The following FMN2 variants were observed in gnomAD, a reference collection of about 807,000 sequenced individuals.
The protein encoded by FMN2 is formin-2.
A neutral mutation model predicts 142.3 loss-of-function variants in FMN2; 51 were observed. The ratio of observed to expected loss-of-function variants is 0.36; its 90% CI spans 0.29 to 0.45. The LOEUF (loss-of-function observed/expected upper bound fraction) is 0.45, where lower values mean the gene tolerates loss of function less well. FMN2 is among the 20% of genes least tolerant of loss of function. The pLI is 1.00. For missense variants in FMN2, 1,936 were observed against 2,122.8 expected (o/e 0.91, Z 1.73); for synonymous variants, 882 against 869.8 (o/e 1.01, Z -0.25).
At chr1:240,392,983 A>G (rs1446357858) in intron 15 of FMN2, among the ~76,000 whole-genome samples, 8 of 101,916 alleles carry the variant, frequency 7.8e-5, no homozygotes, top group Non-Finnish European at 1.3e-4. Context: ...AATTATGGGT[A>G]AACATAGAAA....
chr1:240,121,270 A>G (rs1329200928), intron 1 of FMN2, among the ~76,000 whole-genome samples: 3 of 152,182 alleles, frequency 2.0e-5, no homozygotes, highest in African/African-American at 7.2e-5. Context: ...GCTTCCAGCA[A>G]TTCTGTTCTC....
chr1:240,101,644 C>T (rs1661419332), intron 1 of FMN2, among the ~76,000 whole-genome samples: 1 of 152,016 alleles, frequency 6.6e-6, no homozygotes, highest in South Asian at 2.1e-4. Flanking sequence ...AAGCAATCCT[C>T]CCACCTCAGC....
intron 16 of FMN2, among the ~76,000 whole-genome samples, chr1:240,450,556 C>T (rs918486137): frequency 3.9e-5 from 6 of 152,188 alleles, no homozygotes; most frequent in African/African-American, 1.2e-4. Flanking sequence ...CTCTCCCACC[C>T]GGCCCCAGCC....
At chr1:240,212,241 C>A (rs753491245) in intron 6 of FMN2, among the ~76,000 whole-genome samples, 3 of 152,152 alleles carry the variant, frequency 2.0e-5, no homozygotes, top group Non-Finnish European at 4.4e-5. Flanking sequence ...TATTTCAGAG[C>A]AGACAATTTT....
intron 6 of FMN2, among the ~76,000 whole-genome samples, chr1:240,212,104 T>A (rs1666713004): frequency 6.6e-6 from 1 of 152,118 alleles, no homozygotes; most frequent in African/African-American, 2.4e-5. Flanking sequence ...GAGGCTGATA[T>A]CCCCAGTGTT....
intron 3 of FMN2, among the ~76,000 whole-genome samples, chr1:240,183,134 T>C (rs1665222733): frequency 6.6e-6 from 1 of 151,532 alleles, no homozygotes; most frequent in African/African-American, 2.4e-5. Context: ...CTCAGGCTGG[T>C]GTTGAACTCT....
intron 2 of FMN2, among the ~76,000 whole-genome samples, chr1:240,168,910 TAAAA>T (rs563331866): frequency 6.6e-6 from 1 of 151,592 alleles, no homozygotes; most frequent in Admixed American, 6.6e-5. Flanking sequence ...TCCCTGAGAT[TAAAA>T]AAAAGAAAAC....
chr1:240,280,366 G>GT (rs11389354), intron 7 of FMN2, among the ~76,000 whole-genome samples: 36,615 of 151,936 alleles, frequency 0.24, 4,881 homozygotes, highest in African/African-American at 0.37. Context: ...ACTGAAAAAA[G>GT]ATGATTCTTA....
intron 11 of FMN2, among the ~76,000 whole-genome samples, 161 bp downstream of exon 11, chr1:240,330,910 T>C (rs1671352890): frequency 6.6e-6 from 1 of 152,214 alleles, no homozygotes; most frequent in Non-Finnish European, 1.5e-5. Flanking sequence ...CAGATATTTG[T>C]GATTTTGTGA....
intron 13 of FMN2, among the ~76,000 whole-genome samples, chr1:240,335,868 G>T (rs558197304): frequency 1.8e-4 from 27 of 152,240 alleles, no homozygotes; most frequent in African/African-American, 6.3e-4. Context: ...AGCCGGCCAG[G>T]CATGGTGGCT....
At chr1:240,194,027 TTTTTG>T (rs903179680) in intron 4 of FMN2, among the ~76,000 whole-genome samples, 3 of 152,300 alleles carry the variant, frequency 2.0e-5, no homozygotes, top group South Asian at 2.1e-4. Flanking sequence ...TACACTAGTT[TTTTTG>T]TTTTGTTTTG....
chr1:240,229,282 G>A (rs1347916822), intron 6 of FMN2, among the ~76,000 whole-genome samples: 1 of 152,026 alleles, frequency 6.6e-6, no homozygotes, highest in East Asian at 1.9e-4. Flanking sequence ...TTGCATTATT[G>A]AACCTAAATT....
intron 8 of FMN2, among the ~76,000 whole-genome samples, chr1:240,296,115 G>A (rs1252703958): frequency 6.6e-6 from 1 of 151,662 alleles, no homozygotes; most frequent in East Asian, 1.9e-4. Flanking sequence ...CTGGGGTTTA[G>A]TTCATTCTGC....
chr1:240,429,388 C>T (rs553130166), intron 15 of FMN2, among the ~76,000 whole-genome samples: 11 of 152,116 alleles, frequency 7.2e-5, no homozygotes, highest in Admixed American at 5.9e-4. Context: ...TCCTGTATTC[C>T]GTCTTTTCAT....
intron 15 of FMN2, among the ~76,000 whole-genome samples, chr1:240,396,822 T>C (rs1403748425): frequency 6.6e-6 from 1 of 152,374 alleles, no homozygotes; most frequent in Non-Finnish European, 1.5e-5. Context: ...CCATGATGTA[T>C]GTGTACCACA....
At chr1:240,468,513 A>G (rs1247149600) in intron 16 of FMN2, among the ~76,000 whole-genome samples, 1 of 152,054 alleles carries the variant, frequency 6.6e-6, no homozygotes, top group African/African-American at 2.4e-5. Context: ...CTTCATGGTG[A>G]TTGCGTTCTC....
rs1209176300 is a variant in FMN2 at position 240,093,253 on chromosome 1, C to G, written c.1144C>G (p.Pro382Ala). 6.3e-7 allele frequency: 1 copy of G among 1,581,364 alleles called. No individual in the cohort carries two copies. The change falls in exon 1 of 18, where the codon CCG (proline) becomes GCG (alanine). Residue 382 changes from proline to alanine, a missense_variant. This residue lies in a region of FMN2 where 751 missense variants were observed against 791.8 expected (regional missense o/e 0.95). Transcript: ENST00000319653. ...CGCCCCGCAGAGGCTGGGGGAAGAG[C>G]CGGAGGAGGAGGCGCAAGGACCTGA... ...EDAPQRLGEE[P>A]EEEAQGPDAP...
chr1:240,324,704 G>A (rs1469956357), intron 8 of FMN2, among the ~76,000 whole-genome samples: 1 of 150,172 alleles, frequency 6.7e-6, no homozygotes, highest in African/African-American at 2.4e-5. Flanking sequence ...AGGGAGGGAG[G>A]GAGGGAGGGA....
At chr1:240,434,699 T>C (rs527997066) in intron 15 of FMN2, among the ~76,000 whole-genome samples, 42 of 151,474 alleles carry the variant, frequency 2.8e-4, no homozygotes, top group East Asian at 2.2e-3. Flanking sequence ...GTAACTGGGA[T>C]TACAGGCACC....
Sources: allele counts gnomAD v4.1 joint callset (sites outside exome capture counted in the v4.1 genomes callset), GRCh38; gene constraint gnomAD v4.1.1; regional missense constraint gnomAD v4.1.1; transcripts MANE v1.5; gene names NCBI Gene and HGNC (gene_info 2026-07-23, HGNC 2026-07-21).